Variants in CSMD2 observed in about 807,000 individuals in gnomAD.
The protein encoded by CSMD2 is CUB and sushi domain-containing protein 2.
In CSMD2, 130 loss-of-function variants were observed where a neutral mutation model predicts 398.5. The ratio of observed to expected loss-of-function variants is 0.33; its 90% CI spans 0.28 to 0.38. CSMD2 has a LOEUF of 0.38. CSMD2 is among the 10% of genes least tolerant of loss of function. The pLI is 1.00. For synonymous variants in CSMD2, 1,828 were observed against 1,908.5 expected, an observed-to-expected ratio of 0.96 and a Z score of 1.10; for missense variants, 3,829 against 4,764.9, an observed-to-expected ratio of 0.80 and a Z score of 5.78.
chr1:33,990,348 T>C (rs1646507718), intron 3 of CSMD2, among the ~76,000 whole-genome samples: 1 of 152,090 alleles, frequency 6.6e-6, no homozygotes, highest in African/African-American at 2.4e-5. Flanking sequence ...TAGTCAGAAG[T>C]CCAAAGATCT....
intron 44 of CSMD2, chr1:33,599,654 G>A (rs1051802327): frequency 6.5e-6 from 1 of 153,180 alleles, no homozygotes; most frequent in Non-Finnish European, 1.5e-5. Flanking sequence ...AAATGACAGA[G>A]CCTTAAAGCC....
chr1:34,106,702 TC>T (rs1558397469), intron 1 of CSMD2, among the ~76,000 whole-genome samples: 1 of 151,994 alleles, frequency 6.6e-6, no homozygotes, highest in Non-Finnish European at 1.5e-5. Context: ...ACAAAACGGG[TC>T]TCCTTTTTCC....
intron 5 of CSMD2, among the ~76,000 whole-genome samples, chr1:33,895,472 T>C (rs772345076): frequency 1.2e-4 from 18 of 151,942 alleles, no homozygotes; most frequent in Non-Finnish European, 2.4e-4. Context: ...TGGGGATGTA[T>C]GGTGGATGAA....
chr1:33,797,821 G>A (rs988749286), intron 10 of CSMD2, among the ~76,000 whole-genome samples: 1 of 152,108 alleles, frequency 6.6e-6, no homozygotes, highest in African/African-American at 2.4e-5. Context: ...CCAGCCCTGG[G>A]GCAGAGGACA....
chr1:34,132,447 G>C (rs1307879436), intron 1 of CSMD2, among the ~76,000 whole-genome samples: 1 of 151,990 alleles, frequency 6.6e-6, no homozygotes, highest in Non-Finnish European at 1.5e-5. Context: ...ACCTCCCCCA[G>C]GTGTAGTTAC....
chr1:33,953,795 G>C (rs1039010312), intron 3 of CSMD2, among the ~76,000 whole-genome samples: 1 of 152,168 alleles, frequency 6.6e-6, no homozygotes, highest in African/African-American at 2.4e-5. Flanking sequence ...CCTGCTCCCT[G>C]AGAGATACGG....
chr1:34,087,889 A>G lies in CSMD2; in HGVS notation c.404+1088T>C, dbSNP rs953876342. On this transcript the variant is annotated intron_variant, in intron 2 of 70. Transcript: ENST00000373381. ...TGAAGAGGACTCTAGCCCTTTACCA[A>G]TGTTTCACAGAACCCTGCTGAACCT... is the stretch of plus-strand genomic sequence containing the variant. Among the ~76,000 whole-genome samples the G allele has an allele frequency of 9.9e-5, 15 of 152,178 alleles. No homozygotes were observed. The East Asian group carries it at 2.1e-3, about 22-fold the overall frequency.
chr1:33,865,093 A>G (rs1401624180), intron 5 of CSMD2, among the ~76,000 whole-genome samples: 1 of 151,388 alleles, frequency 6.6e-6, no homozygotes, highest in Non-Finnish European at 1.5e-5. Context: ...AAGTAGCAGC[A>G]GTCATGGAGG....
intron 3 of CSMD2, among the ~76,000 whole-genome samples, chr1:34,005,715 T>C (rs1172767377): frequency 2.6e-5 from 4 of 152,220 alleles, no homozygotes; most frequent in African/African-American, 9.6e-5. Context: ...TGTCAGATTC[T>C]GGTCACCAAG....
At chr1:33,713,547 T>A (rs996897561) in intron 21 of CSMD2, among the ~76,000 whole-genome samples, 1 of 152,070 alleles carries the variant, frequency 6.6e-6, no homozygotes, top group Non-Finnish European at 1.5e-5. Context: ...CAGACAGCAA[T>A]CACTCCGCCC....
At chr1:34,077,060 G>C (rs914748462) in intron 2 of CSMD2, among the ~76,000 whole-genome samples, 3 of 150,436 alleles carry the variant, frequency 2.0e-5, no homozygotes, top group African/African-American at 7.3e-5. Flanking sequence ...GCTGGAGAAA[G>C]GTGAGGTTAA....
At chr1:33,971,661 C>T (rs939489872) in intron 3 of CSMD2, among the ~76,000 whole-genome samples, 15 of 152,324 alleles carry the variant, frequency 9.8e-5, no homozygotes, top group Non-Finnish European at 2.1e-4. Context: ...TCTTTGCCTT[C>T]TCTGCAAGCT....
At chr1:33,658,548 A>C (rs984877236) in intron 26 of CSMD2, among the ~76,000 whole-genome samples, 1 of 152,250 alleles carries the variant, frequency 6.6e-6, no homozygotes, top group Non-Finnish European at 1.5e-5. Flanking sequence ...AGAAGGAGGA[A>C]GTGACAAGAT....
At chr1:33,678,530 T>G (rs768628320) in intron 25 of CSMD2, among the ~76,000 whole-genome samples, 12 of 152,066 alleles carry the variant, frequency 7.9e-5, no homozygotes, top group South Asian at 2.1e-4. Context: ...GAAAATGGCA[T>G]GTGAATGAAC....
intron 3 of CSMD2, among the ~76,000 whole-genome samples, chr1:33,945,176 A>G (rs1229170743): frequency 6.6e-6 from 1 of 152,154 alleles, no homozygotes. Context: ...AGAAGGAAAC[A>G]TCATAGGCCC....
Position 33,652,415 on chromosome 1 carries a change from T to C in CSMD2, c.4494A>G (p.Ser1498=). 1 of 1,614,058 alleles carries C rather than the reference T, an allele frequency of 6.2e-7. No individual in the cohort carries two copies. Among genetic ancestry groups the C allele is most frequent in the Non-Finnish European group, 8.5e-7 (1 of 1,179,988 alleles). The change falls in exon 28 of 71, where the codon TCA becomes TCG. Residue 1498 remains serine, a synonymous_variant. Transcript: ENST00000373381. ...DLTGPSGVIL[S]PNYPEPYPPG... ...GCGGGTAGGGTTCTGGGTAATTTGG[T>C]GAGAGGATGACTCCAGATGGTCCTG...
chr1:33,873,382 A>T (rs2125151085), intron 5 of CSMD2, among the ~76,000 whole-genome samples: 1 of 152,336 alleles, frequency 6.6e-6, no homozygotes, highest in South Asian at 2.1e-4. Flanking sequence ...GTCCTTGTGC[A>T]GTCCCCTCCC....
chr1:33,973,325 A>C (rs766332546), intron 3 of CSMD2, among the ~76,000 whole-genome samples: 1 of 152,164 alleles, frequency 6.6e-6, no homozygotes, highest in Non-Finnish European at 1.5e-5. Flanking sequence ...ATTGCTACCC[A>C]CTAGGGAGGC....
rs115841002 is a variant in CSMD2, at chr1:33,570,610, G to A, written c.7957+922C>T. ...TAAATATGATGAGCATATCCCTATC[G>A]TAGTGCATGCTGCGATGAGCTACTC... On this transcript the variant is annotated intron_variant, in intron 51 of 70. Coordinates refer to ENST00000373381, the MANE Select transcript of CSMD2 (RefSeq NM_001281956.2). Among the ~76,000 whole-genome samples the A allele has an allele frequency of 3.3e-3, 498 of 152,128 alleles. 2 individuals carry two copies. The highest frequency in any genetic ancestry group is 0.014 in the South Asian group (69 of 4,814).
Sources: gnomAD v4.1 joint callset for allele counts (sites outside exome capture counted in the v4.1 genomes callset) on GRCh38, gnomAD v4.1.1 for gene constraint, MANE v1.5 for transcripts, NCBI Gene and HGNC (gene_info 2026-07-23, HGNC 2026-07-21) for gene names.